Variants in NIPBL observed in about 807,000 individuals in gnomAD.
The protein encoded by NIPBL is nipped-B-like protein.
NIPBL carries 19 observed loss-of-function variants against 321.8 expected under a neutral mutation model. That is an observed-to-expected ratio of 0.06 (90% CI 0.04 to 0.09). The LOEUF is 0.09. NIPBL is among the 10% of genes least tolerant of loss of function. The pLI is 1.00. For synonymous variants in NIPBL, 1,106 were observed against 1,114.1 expected (o/e 0.99, Z 0.14); for missense variants, 2,210 against 3,327.0 (o/e 0.66, Z 8.26).
At chr5:37,040,250 T>A (rs1752184625) in intron 34 of NIPBL, among the ~76,000 whole-genome samples, 1 of 152,164 alleles carries the variant, frequency 6.6e-6, no homozygotes, top group Non-Finnish European at 1.5e-5. Context: ...TTTATGTATG[T>A]ATGTACACAA....
rs1374662426 is a variant in NIPBL, at chr5:37,051,551, G to GTTTAAAT, written c.6955-223_6955-217dup. 4 of 558,772 alleles carry GTTTAAAT rather than the reference G, an allele frequency of 7.2e-6. No homozygotes were observed. The African/African-American group carries it at 7.5e-5, about 11-fold the overall frequency. 34.6% of individuals were successfully genotyped at this position (558,772 alleles called of 1,614,324 possible). A position where few individuals can be genotyped will look rare whatever the true frequency, so the allele number is the denominator to read the frequency against. On this transcript the variant is annotated intron_variant, in intron 40 of 46. Coordinates refer to ENST00000282516, the MANE Select transcript of NIPBL (RefSeq NM_133433.4). ...AGAACCTAAAATTTACAATGAAATT[G>GTTTAAAT]TTTAAATTTTATCACGTCAGTATTT...
chr5:36,881,218 G>C lies in NIPBL; in HGVS notation c.-80+4040G>C, dbSNP rs1036603728. On this transcript the variant is annotated intron_variant, in intron 1 of 46. Transcript: ENST00000282516. ...TAAGGCCATCATTGTAATTTTAAAG[G>C]GTATTTTATGTGCTTAGAATATTTT... is the stretch of plus-strand genomic sequence containing the variant. Among the ~76,000 whole-genome samples the C allele has an allele frequency of 2.6e-5, 4 of 151,478 alleles. No homozygotes were observed. In the East Asian group the frequency reaches 7.7e-4, roughly 29 times the overall value.
intron 21 of NIPBL, among the ~76,000 whole-genome samples, chr5:37,013,308 ACCTC>A (rs1723748752): frequency 7.6e-6 from 1 of 131,968 alleles, no homozygotes; most frequent in Admixed American, 7.5e-5. Flanking sequence ...TGACCCCCCC[ACCTC>A]CCTCCCGGAC....
intron 1 of NIPBL, among the ~76,000 whole-genome samples, chr5:36,913,211 T>C (rs945361794): frequency 2.0e-5 from 3 of 152,138 alleles, no homozygotes; most frequent in African/African-American, 4.8e-5. Flanking sequence ...AATTTATTGT[T>C]GTATAGGAGA....
At chr5:36,937,677 ACT>A (rs1399464624) in intron 1 of NIPBL, among the ~76,000 whole-genome samples, 1 of 152,042 alleles carries the variant, frequency 6.6e-6, no homozygotes, top group Non-Finnish European at 1.5e-5. Context: ...TAGTGAAATT[ACT>A]CTCAGATTTC....
rs1380644706 is a variant in NIPBL at position 36,996,372 on chromosome 5, G to C, written c.3304+568G>C. 2.2e-6 allele frequency: 1 copy of C among 455,878 alleles called. No individual in the cohort carries two copies. The highest frequency in any genetic ancestry group is 2.0e-5 in the African/African-American group (1 of 50,018). 28.2% of individuals were successfully genotyped at this position (455,878 alleles called of 1,614,324 possible). A position where few individuals can be genotyped will look rare whatever the true frequency, so the allele number is the denominator to read the frequency against. On this transcript the variant is annotated intron_variant, in intron 11 of 46. Coordinates refer to ENST00000282516, the MANE Select transcript of NIPBL (RefSeq NM_133433.4). This position sits in a 1 kb window ranked among gnomAD's most constrained non-coding sequence, Gnocchi z 5.0. ...ACCATACTATCACTAAATTATGAAT[G>C]GATTAGCCACATTGCAGATTATCTG... is the stretch of plus-strand genomic sequence containing the variant.
chr5:37,006,449 C>T lies in NIPBL; in HGVS notation c.3948C>T (p.Asn1316=), dbSNP rs753438136. Residue 1316 remains asparagine (N), a synonymous_variant, in exon 17 of 47, where the codon AAC becomes AAT. Coordinates refer to ENST00000282516, the MANE Select transcript of NIPBL (RefSeq NM_133433.4). ...CGGATGCTTGTCTTACAACTATCAA[C>T]ATTATGACATCCCCTAACATGCCAA... ...KSADACLTTI[N]IMTSPNMPKA... 3 of 1,612,346 alleles carry T rather than the reference C, an allele frequency of 1.9e-6. No homozygotes were observed. In the South Asian group the frequency reaches 3.3e-5, roughly 18 times the overall value.
At chr5:37,033,526 A>G (rs1265036476) in intron 32 of NIPBL, among the ~76,000 whole-genome samples, 1 of 147,432 alleles carries the variant, frequency 6.8e-6, no homozygotes, top group East Asian at 2.0e-4. Flanking sequence ...CTGTTTAGTA[A>G]ATGGGGTTGG....
intron 1 of NIPBL, among the ~76,000 whole-genome samples, chr5:36,893,486 A>T (rs1049887193): frequency 1.3e-5 from 2 of 151,730 alleles, no homozygotes; most frequent in African/African-American, 2.4e-5. Flanking sequence ...AGAATCACCT[A>T]GGGATTTTTT....
At chr5:36,987,099 C>T (rs572429154) in intron 10 of NIPBL, among the ~76,000 whole-genome samples, 91 of 152,164 alleles carry the variant, frequency 6.0e-4, no homozygotes, top group African/African-American at 2.0e-3. Flanking sequence ...AGGCTGGTTT[C>T]GAACTCCTGG....
rs768496460 is a variant in NIPBL at position 36,976,422 on chromosome 5, A to ACCAC, written c.1495+21_1495+24dup. 2.5e-6 allele frequency: 4 copies of ACCAC among 1,600,262 alleles called. No homozygotes were observed. The Middle Eastern group carries it at 5.0e-4, about 198-fold the overall frequency. The stretch of plus-strand genomic sequence containing the variant: ...ATAAAGGTAAAATAATCTCATTATT[A>ACCAC]CCACTTCATCATCTGGGCAAATATG... On this transcript the variant is annotated intron_variant, in intron 9 of 46. Coordinates refer to ENST00000282516, the MANE Select transcript of NIPBL (RefSeq NM_133433.4).
chr5:37,039,169 A>T (rs2149722152), intron 34 of NIPBL, among the ~76,000 whole-genome samples: 1 of 152,148 alleles, frequency 6.6e-6, no homozygotes, highest in South Asian at 2.1e-4. Context: ...AATAAGGAAC[A>T]GTAGTCAACC....
chr5:36,984,932 T>C lies in NIPBL; in HGVS notation c.1752T>C (p.Asp584=). 1.2e-6 allele frequency: 2 copies of C among 1,613,082 alleles called. No individual in the cohort carries two copies. The highest frequency in any genetic ancestry group is 1.7e-6 in the Non-Finnish European group (2 of 1,179,700). ...CACCTGTTTCTGTTCTTCAGGAAGA[T>C]ATTGTTGGAAGTCTTAAATCTACAC... ...NDAPVSVLQE[D]IVGSLKSTPE... The change falls in exon 10 of 47, where the codon GAT becomes GAC. Residue 584 remains aspartate, a synonymous_variant. Coordinates refer to ENST00000282516, the MANE Select transcript of NIPBL (RefSeq NM_133433.4).
In NIPBL at chr5:36,985,807, A is replaced by G; in HGVS notation, c.2627A>G (p.Asp876Gly). 1 of 1,613,952 alleles carries G rather than the reference A, an allele frequency of 6.2e-7. No homozygotes were observed. Among genetic ancestry groups the G allele is most frequent in the Non-Finnish European group, 8.5e-7 (1 of 1,179,944 alleles). Residue 876 changes from aspartate (D) to glycine (G), a missense_variant, in exon 10 of 47, where the codon GAC becomes GGC. Around this residue, in one of 14 missense-constraint regions of NIPBL, gnomAD observed 588 missense variants for 564.1 expected, o/e 1.04. Coordinates refer to ENST00000282516, the MANE Select transcript of NIPBL (RefSeq NM_133433.4). ...LERKHRHESG[D>G]SRERPSSGEQ... ...CGAAAACACAGGCATGAATCAGGGG[A>G]CTCAAGGGAAAGACCATCTTCTGGG...
chr5:36,919,602 T>C lies in NIPBL; in HGVS notation c.-79-34016T>C, dbSNP rs549246160. On this transcript the variant is annotated intron_variant, in intron 1 of 46. Coordinates refer to ENST00000282516, the MANE Select transcript of NIPBL (RefSeq NM_133433.4). ...CCTGTGATGAAGGTTACAATGCTTA[T>C]TGCAATATTGCAATAGAAAAGGAGC... is the stretch of plus-strand genomic sequence containing the variant. Among the ~76,000 whole-genome samples the C allele has an allele frequency of 2.6e-5, 4 of 152,340 alleles. No homozygotes were observed. The South Asian group carries it at 6.2e-4, about 24-fold the overall frequency.
chr5:37,019,028 A>G (rs946497613), intron 24 of NIPBL, among the ~76,000 whole-genome samples: 3 of 152,050 alleles, frequency 2.0e-5, no homozygotes, highest in African/African-American at 7.2e-5. Context: ...GCTTGAACCC[A>G]GGAGGCAAAG....
chr5:37,057,084 T>TTAA lies in NIPBL; in HGVS notation c.7264-101_7264-99dup, dbSNP rs1754177032. The TTAA allele has an allele frequency of 6.3e-6, 7 of 1,110,208 alleles. No homozygotes were observed. The Admixed American group carries it at 9.8e-5, about 15-fold the overall frequency. The allele number at this position is 1,110,208 out of a possible 1,614,324, so 68.8% of individuals were successfully genotyped here. On this transcript the variant is annotated intron_variant, in intron 42 of 46. Coordinates refer to ENST00000282516, the MANE Select transcript of NIPBL (RefSeq NM_133433.4). Reference sequence around the variant, plus strand: ...TGTGTCTGCTTATCTCTGTCTAACATTAAGTGAGGTGAAAGTGCCCTGTAT... The same window carrying TTAA: ...TGTGTCTGCTTATCTCTGTCTAACATTAATAAGTGAGGTGAAAGTGCCCTGTAT...
intron 33 of NIPBL, among the ~76,000 whole-genome samples, chr5:37,038,190 G>T (rs924379383): frequency 6.6e-6 from 1 of 151,784 alleles, no homozygotes; most frequent in Non-Finnish European, 1.5e-5. Context: ...CAGTTTTTGC[G>T]TGTTGTCCAG....
intron 1 of NIPBL, among the ~76,000 whole-genome samples, chr5:36,909,639 A>G (rs1414798602): frequency 6.6e-6 from 1 of 152,200 alleles, no homozygotes; most frequent in African/African-American, 2.4e-5. Context: ...ACCAACAACA[A>G]TATAACCCCA....
Sources: allele counts gnomAD v4.1 joint callset (sites outside exome capture counted in the v4.1 genomes callset), GRCh38; gene constraint gnomAD v4.1.1; regional missense constraint gnomAD v4.1.1; non-coding constraint Gnocchi (gnomAD v3.1); transcripts MANE v1.5; gene names NCBI Gene and HGNC (gene_info 2026-07-23, HGNC 2026-07-21).